PDS5A: variants seen among roughly 807,000 people sequenced by gnomAD.
The protein encoded by PDS5A is sister chromatid cohesion protein PDS5 homolog A.
PDS5A carries 42 observed loss-of-function variants against 167.1 expected under a neutral mutation model. The observed-to-expected ratio is 0.25, with a 90% CI of 0.20 to 0.33. The LOEUF (loss-of-function observed/expected upper bound fraction) is 0.33, where lower values mean the gene tolerates loss of function less well. Among genes scored for constraint, PDS5A ranks in the 10% least tolerant of loss-of-function variants. The pLI, the probability that PDS5A is intolerant of heterozygous loss-of-function variation, is 1.00. For missense variants in PDS5A, 1,033 were observed against 1,605.9 expected (o/e 0.64, Z 6.10); for synonymous variants, 553 against 554.6 (o/e 1.00, Z 0.04).
intron 26 of PDS5A, 144 bp from the exon 27 acceptor site, chr4:39,849,796 A>G (rs1717957224): frequency 1.8e-6 from 1 of 547,752 alleles, no homozygotes; most frequent in Admixed American, 3.1e-5. Flanking sequence ...TATTATCCTA[A>G]TAATATTCTA....
chr4:39,922,954 G>A (rs1204627097), intron 5 of PDS5A, among the ~76,000 whole-genome samples: 7 of 152,002 alleles, frequency 4.6e-5, no homozygotes, highest in Non-Finnish European at 1.0e-4. Flanking sequence ...ACAGTTGTAA[G>A]GTACTGTTGT....
intron 19 of PDS5A, among the ~76,000 whole-genome samples, chr4:39,874,872 T>C (rs1720335073): frequency 6.6e-6 from 1 of 152,174 alleles, no homozygotes; most frequent in Non-Finnish European, 1.5e-5. Context: ...TATGCAAAGA[T>C]ACAGCTACAT....
chr4:39,898,135 A>T, intron 16 of PDS5A: 1 of 1,191,712 alleles, frequency 8.4e-7, no homozygotes, highest in Non-Finnish European at 1.0e-6. Context: ...ATGTCTACTA[A>T]GTTCAAAGTA....
At chr4:39,957,117 T>C (rs1475973977) in intron 2 of PDS5A, among the ~76,000 whole-genome samples, 1 of 152,210 alleles carries the variant, frequency 6.6e-6, no homozygotes, top group Non-Finnish European at 1.5e-5. Context: ...TATTCTATAG[T>C]GGCTACGTGA....
intron 12 of PDS5A, among the ~76,000 whole-genome samples, chr4:39,902,725 G>A (rs1290657672): frequency 6.6e-6 from 1 of 152,022 alleles, no homozygotes; most frequent in African/African-American, 2.4e-5. Context: ...GTGTCCCTAT[G>A]TTGCCAAGGC....
At chr4:39,914,492 G>A (rs542231461) in intron 8 of PDS5A, among the ~76,000 whole-genome samples, 3 of 151,884 alleles carry the variant, frequency 2.0e-5, no homozygotes, top group Non-Finnish European at 4.4e-5. Context: ...GATCCCCTAC[G>A]ACTGGAGAAT....
At chr4:39,853,286 T>A (rs745914976) in intron 26 of PDS5A, among the ~76,000 whole-genome samples, 6 of 152,230 alleles carry the variant, frequency 3.9e-5, no homozygotes, top group Non-Finnish European at 7.4e-5. Flanking sequence ...TCAAGAACAA[T>A]CCAAATCTTT....
At chr4:39,925,059 C>A (rs143917281) in intron 5 of PDS5A, among the ~76,000 whole-genome samples, 2,797 of 152,190 alleles carry the variant, frequency 0.018, 37 homozygotes, top group Non-Finnish European at 0.028. Context: ...TTGCAGTGAG[C>A]CAAGATGGCA....
At chr4:39,845,438 T>C (rs376250001) in intron 29 of PDS5A, among the ~76,000 whole-genome samples, 37 of 152,332 alleles carry the variant, frequency 2.4e-4, no homozygotes, top group South Asian at 2.1e-3. Context: ...TACAAAAAAC[T>C]AAATTTCCTT....
intron 22 of PDS5A, among the ~76,000 whole-genome samples, chr4:39,867,409 C>A (rs1009575428): frequency 8.6e-5 from 13 of 152,044 alleles, no homozygotes; most frequent in Non-Finnish European, 1.8e-4. Context: ...TTAAACTATA[C>A]AGGCCGGGGG....
Position 39,917,092 on chromosome 4 carries a change from G to A in PDS5A, c.832C>T (p.His278Tyr). ...LIQELFAIDP[H>Y]LLLSVMPQLE... The stretch of plus-strand genomic sequence containing the variant: ...TGTGGCATGACGGATAATAATAAAT[G>A]AGGATCTATAGCAAAAAGTTCCTGA... Residue 278 changes from histidine (H) to tyrosine (Y), a missense_variant, in exon 8 of 33, where the codon CAT becomes TAT. Coordinates refer to ENST00000303538, the MANE Select transcript of PDS5A (RefSeq NM_001100399.2). 6.5e-7 allele frequency: 1 copy of A among 1,550,082 alleles called. No individual in the cohort carries two copies. The highest frequency in any genetic ancestry group is 1.3e-5 in the South Asian group (1 of 79,964).
chr4:39,855,754 A>G (rs1173979489), intron 26 of PDS5A, among the ~76,000 whole-genome samples: 1 of 152,224 alleles, frequency 6.6e-6, no homozygotes. Flanking sequence ...AAAAAGATTC[A>G]GTAAACCTGT....
chr4:39,970,917 C>T (rs979409144), intron 2 of PDS5A, among the ~76,000 whole-genome samples: 2 of 149,224 alleles, frequency 1.3e-5, no homozygotes, highest in African/African-American at 5.0e-5. Flanking sequence ...TCCCACCTCA[C>T]CCTCCTGAGT....
chr4:39,923,331 T>TAAAAAAAAAAAA (rs1178389893), intron 5 of PDS5A, among the ~76,000 whole-genome samples: 3 of 65,726 alleles, frequency 4.6e-5, no homozygotes, highest in Admixed American at 3.3e-4. Context: ...TTGTATCAAT[T>TAAAAAAAAAAAA]AAAAAAAAAA....
chr4:39,932,940 C>A (rs1247386471), intron 2 of PDS5A: 1 of 151,888 alleles, frequency 6.6e-6, no homozygotes, highest in African/African-American at 2.4e-5. Flanking sequence ...GGCTGAGGAG[C>A]GTGGATCACA....
chr4:39,974,471 G>C (rs571462110), intron 2 of PDS5A: 9 of 278,012 alleles, frequency 3.2e-5, no homozygotes, highest in African/African-American at 1.6e-4. Flanking sequence ...TCCCAAAACA[G>C]TGTAACTTTT....
chr4:39,923,179 T>A (rs1046629848), intron 5 of PDS5A, among the ~76,000 whole-genome samples: 11 of 151,024 alleles, frequency 7.3e-5, no homozygotes, highest in Admixed American at 6.6e-4. Flanking sequence ...AATACAAAAA[T>A]TAGTGAAGCG....
chr4:39,882,377 T>A (rs747972638), intron 17 of PDS5A, among the ~76,000 whole-genome samples: 2 of 152,230 alleles, frequency 1.3e-5, no homozygotes, highest in East Asian at 1.9e-4. Context: ...GTGGCTATTA[T>A]GTTCCCTCTA....
At chr4:39,869,526 A>T (rs1719839523) in intron 21 of PDS5A, 64 bp from the exon 22 acceptor site, 1 of 977,236 alleles carries the variant, frequency 1.0e-6, no homozygotes, top group Non-Finnish European at 1.6e-6. Flanking sequence ...TTTGCTGATT[A>T]AGTTTTTCAT....
Sources: allele counts gnomAD v4.1 joint callset (sites outside exome capture counted in the v4.1 genomes callset), GRCh38; gene constraint gnomAD v4.1.1; transcripts MANE v1.5; gene names NCBI Gene and HGNC (gene_info 2026-07-23, HGNC 2026-07-21).